ARID3B: variants seen among roughly 807,000 people sequenced by gnomAD.
The protein encoded by ARID3B is AT-rich interaction domain 3B.
In ARID3B, 10 loss-of-function variants were observed where a neutral mutation model predicts 51.9. The ratio of observed to expected loss-of-function variants is 0.19; its 90% CI spans 0.12 to 0.33. The LOEUF (loss-of-function observed/expected upper bound fraction) is 0.33, where lower values mean the gene tolerates loss of function less well. ARID3B is among the 10% of genes least tolerant of loss of function. The probability of loss-of-function intolerance (pLI) is 1.00; values close to 1 mark genes in which losing one functional copy is unlikely to be tolerated. For synonymous variants in ARID3B, 205 were observed against 279.5 expected, an observed-to-expected ratio of 0.73 and a Z score of 2.66; for missense variants, 483 against 716.3, an observed-to-expected ratio of 0.67 and a Z score of 3.72.
At chr15:74,558,372 C>G (rs955785411) in intron 2 of ARID3B, among the ~76,000 whole-genome samples, 1 of 151,812 alleles carries the variant, frequency 6.6e-6, no homozygotes, top group Non-Finnish European at 1.5e-5. Context: ...TCTATCTGTT[C>G]TACTTTATGG....
chr15:74,596,557 C>G lies in ARID3B; in HGVS notation c.*783C>G, dbSNP rs1460759153. 1 of 233,616 alleles carries G rather than the reference C, an allele frequency of 4.3e-6. No individual in the cohort carries two copies. Among genetic ancestry groups the G allele is most frequent in the Admixed American group, 5.6e-5 (1 of 17,784 alleles). The allele number at this position is 233,616 out of a possible 1,614,324, so 14.5% of individuals were successfully genotyped here. A position where few individuals can be genotyped will look rare whatever the true frequency, so the allele number is the denominator to read the frequency against. ...CCTTATTGGCCTGCTTTCCCAAAAA[C>G]AGCCCACTCATCCTTTCCCCAGCCC... is the stretch of plus-strand genomic sequence containing the variant. On this transcript the variant is annotated 3_prime_UTR_variant, in exon 9 of 9. Coordinates refer to ENST00000346246, the MANE Select transcript of ARID3B (RefSeq NM_006465.4).
At position 74,543,790 on chromosome 15, in the gene ARID3B, A is replaced by G. The variant is rs2061603242; in HGVS notation, c.-77-70A>G. ...ATGGCCCTCTACTGGAGAAAAGGAA[A>G]CCTTTTTATACCTGCTTAACATGGT... On this transcript the variant is annotated intron_variant, in intron 1 of 8. Transcript: ENST00000346246. 8 of 1,060,660 alleles carry G rather than the reference A, an allele frequency of 7.5e-6. No homozygotes were observed. The East Asian group carries it at 1.7e-4, about 22-fold the overall frequency. The allele number at this position is 1,060,660 out of a possible 1,614,324, so 65.7% of individuals were successfully genotyped here.
chr15:74,593,164 G>A lies in ARID3B; in HGVS notation c.1447G>A (p.Ala483Thr). Residue 483 changes from alanine to threonine, a missense_variant, in exon 8 of 9, where the codon GCA becomes ACA. Around this residue, in one of 3 missense-constraint regions of ARID3B, gnomAD observed 265 missense variants for 354.4 expected, o/e 0.75. Coordinates refer to ENST00000346246, the MANE Select transcript of ARID3B (RefSeq NM_006465.4). The stretch of plus-strand genomic sequence containing the variant: ...AGACAGAGCAGAGGCCTCGGCTGCA[G>A]CACTGAACCTGACCACGAGTAGCAT... ...REDRAEASAA[A>T]LNLTTSSIGS... 6.2e-7 allele frequency: 1 copy of A among 1,613,654 alleles called. No homozygotes were observed. The highest frequency in any genetic ancestry group is 8.5e-7 in the Non-Finnish European group (1 of 1,179,960).
intron 2 of ARID3B, among the ~76,000 whole-genome samples, chr15:74,546,039 A>G (rs2061614360): frequency 6.6e-6 from 1 of 152,204 alleles, no homozygotes; most frequent in Admixed American, 6.5e-5. Flanking sequence ...AAACAGTGCC[A>G]TCCTCTCCTG....
chr15:74,580,222 A>T (rs866436551), intron 4 of ARID3B, among the ~76,000 whole-genome samples: 2 of 152,202 alleles, frequency 1.3e-5, no homozygotes, highest in African/African-American at 2.4e-5. Flanking sequence ...TTTGGCAAAC[A>T]TAAAGCCAAA....
At position 74,591,833 on chromosome 15, in the gene ARID3B, C is replaced by G. The variant is rs770711507; in HGVS notation, c.1420+19C>G. 6.2e-7 allele frequency: 1 copy of G among 1,605,150 alleles called. No individual in the cohort carries two copies. Among genetic ancestry groups the G allele is most frequent in the African/African-American group, 1.3e-5 (1 of 74,792 alleles). ...GGCAGGGGTGAGCCAGGCTCAGGGCCGGGCCTTCCCTTCCTGGAAACCCCA... is the reference window on the plus strand; with the variant it reads ...GGCAGGGGTGAGCCAGGCTCAGGGCGGGGCCTTCCCTTCCTGGAAACCCCA... On this transcript the variant is annotated intron_variant, in intron 7 of 8. Coordinates refer to ENST00000346246, the MANE Select transcript of ARID3B (RefSeq NM_006465.4). The surrounding 1 kb of genome is among the most constrained non-coding windows in gnomAD (Gnocchi z 5.8).
chr15:74,578,734 T>C (rs2061747738), intron 4 of ARID3B, among the ~76,000 whole-genome samples: 1 of 151,446 alleles, frequency 6.6e-6, no homozygotes, highest in Non-Finnish European at 1.5e-5. Flanking sequence ...AAAAAAAACA[T>C]TTTTTTTTAA....
intron 2 of ARID3B, among the ~76,000 whole-genome samples, chr15:74,571,819 C>T (rs1256744788): frequency 6.6e-6 from 1 of 152,078 alleles, no homozygotes; most frequent in African/African-American, 2.4e-5. Context: ...AGTTACTGGA[C>T]TTGGCTGGGC....
chr15:74,566,972 TCCA>T (rs2141461155), intron 2 of ARID3B, among the ~76,000 whole-genome samples: 1 of 152,138 alleles, frequency 6.6e-6, no homozygotes, highest in Non-Finnish European at 1.5e-5. Flanking sequence ...ATCCCCCAGT[TCCA>T]ATCCGATTAG....
At position 74,591,807 on chromosome 15, in the gene ARID3B, C is replaced by T. The variant is rs149040930; in HGVS notation, c.1413C>T (p.Asn471=). 325 of 1,612,550 alleles carry T rather than the reference C, an allele frequency of 2.0e-4. No individual in the cohort carries two copies. The highest frequency in any genetic ancestry group is 2.6e-4 in the Non-Finnish European group (308 of 1,178,872). The change falls in exon 7 of 9, where the codon AAC becomes AAT. Residue 471 remains asparagine, a synonymous_variant. Coordinates refer to ENST00000346246, the MANE Select transcript of ARID3B (RefSeq NM_006465.4). This position sits in a 1 kb window ranked among gnomAD's most constrained non-coding sequence, Gnocchi z 5.8. ...ARQLPMKIRI[N]GREDRAEASA... ...AGCTCCCCATGAAGATCAGGATCAA[C>T]GGCAGGGGTGAGCCAGGCTCAGGGC...
rs60825645 is a variant in ARID3B at position 74,578,169 on chromosome 15, G to GTT, written c.697+4973_697+4974dup. On this transcript the variant is annotated intron_variant, in intron 4 of 8. Coordinates refer to ENST00000346246, the MANE Select transcript of ARID3B (RefSeq NM_006465.4). ...ACCGCACCTGGCCTGTCTTTTTTTT[G>GTT]TTTTTTTTTGTTTTTTTTGTTTTAA... Among the ~76,000 whole-genome samples, 219 of 139,362 alleles carry GTT rather than the reference G, an allele frequency of 1.6e-3. 3 individuals are homozygous for GTT. Among genetic ancestry groups the GTT allele is most frequent in the East Asian group, 3.0e-3 (11 of 3,690 alleles). 91.4% of individuals were successfully genotyped at this position (139,362 alleles called of 152,430 possible). A position where few individuals can be genotyped will look rare whatever the true frequency, so the allele number is the denominator to read the frequency against.
chr15:74,567,276 A>G (rs1483867981), intron 2 of ARID3B, among the ~76,000 whole-genome samples: 1 of 152,066 alleles, frequency 6.6e-6, no homozygotes, highest in Admixed American at 6.5e-5. Flanking sequence ...CCTTCAACCC[A>G]TTCTTCAAGG....
At position 74,586,966 on chromosome 15, in the gene ARID3B, G is replaced by T. The variant is rs548866280; in HGVS notation, c.698-2854G>T. Among the ~76,000 whole-genome samples the T allele has an allele frequency of 4.0e-4, 61 of 152,318 alleles. 1 individual carries two copies. The highest frequency in any genetic ancestry group is 1.4e-3 in the African/African-American group (60 of 41,578). On this transcript the variant is annotated intron_variant, in intron 4 of 8. Transcript: ENST00000346246. ...AAGAACACTGTGAAGGATTTGAGGG[G>T]AGGCACAAAAGAGCGTGTTTTGGGG...
chr15:74,573,874 T>G (rs2141466658), intron 4 of ARID3B: 1 of 152,598 alleles, frequency 6.6e-6, no homozygotes, highest in East Asian at 1.9e-4. Context: ...CCCAAGTAGC[T>G]GGGACTACAG....
At position 74,591,217 on chromosome 15, in the gene ARID3B, GGCAGCAATTGA is replaced by G; in HGVS notation, c.949_959del (p.Ala317TrpfsTer57). ...CCTTGAGTTCCCCAGCCGAGCTCCAGGCAGCAATTGATGGCAACCGCAGGGAGGGCCGGCGG... is the reference window on the plus strand; with the variant it reads ...CCTTGAGTTCCCCAGCCGAGCTCCAGTGGCAACCGCAGGGAGGGCCGGCGG... On this transcript the variant is annotated frameshift_variant, in exon 6 of 9. Transcript: ENST00000346246. LOFTEE classifies it high-confidence loss of function. This position sits in a 1 kb window ranked among gnomAD's most constrained non-coding sequence, Gnocchi z 5.8. The G allele has an allele frequency of 6.2e-7, 1 of 1,613,638 alleles. No homozygotes were observed. Among genetic ancestry groups the G allele is most frequent in the East Asian group, 2.2e-5 (1 of 44,866 alleles).
At chr15:74,592,262 A>G (rs1281763080) in intron 7 of ARID3B, among the ~76,000 whole-genome samples, 1 of 152,136 alleles carries the variant, frequency 6.6e-6, no homozygotes, top group African/African-American at 2.4e-5. Context: ...ATATAGACAG[A>G]AGGAGGAAAC....
At chr15:74,542,044 G>A (rs2061597376) in intron 1 of ARID3B, among the ~76,000 whole-genome samples, 3 of 152,304 alleles carry the variant, frequency 2.0e-5, no homozygotes, top group Non-Finnish European at 4.4e-5. Flanking sequence ...GGCTGTGGGA[G>A]GGACACCTCC....
intron 4 of ARID3B, among the ~76,000 whole-genome samples, chr15:74,580,525 T>C (rs1178974929): frequency 1.3e-5 from 2 of 152,286 alleles, no homozygotes; most frequent in South Asian, 2.1e-4. Context: ...TATTATACCA[T>C]ACACATTACA....
chr15:74,594,791 ACT>A (rs1359674144), intron 8 of ARID3B, among the ~76,000 whole-genome samples: 1 of 151,972 alleles, frequency 6.6e-6, no homozygotes. Flanking sequence ...ATGTCTGCAG[ACT>A]CTGCTCAGAG....
Sources: gnomAD v4.1 joint callset for allele counts (sites outside exome capture counted in the v4.1 genomes callset) on GRCh38, gnomAD v4.1.1 for gene constraint, gnomAD v4.1.1 regional missense constraint, Gnocchi (gnomAD v3.1) non-coding constraint, MANE v1.5 for transcripts, NCBI Gene and HGNC (gene_info 2026-07-23, HGNC 2026-07-21) for gene names.